Variants in PIGR observed in about 807,000 individuals in gnomAD.
PIGR encodes the protein polymeric immunoglobulin receptor.
PIGR carries 22 observed loss-of-function variants against 69.5 expected under a neutral mutation model. That is an observed-to-expected ratio of 0.32 (90% CI 0.23 to 0.45). The LOEUF is 0.45. Among genes scored for constraint, PIGR ranks in the 20% least tolerant of loss-of-function variants. PIGR has a pLI of 1.00. For missense variants in PIGR, 885 were observed against 974.0 expected, an observed-to-expected ratio of 0.91 and a Z score of 1.22; for synonymous variants, 413 against 407.6, an observed-to-expected ratio of 1.01 and a Z score of -0.16.
intron 1 of PIGR, among the ~76,000 whole-genome samples, chr1:206,946,043 G>A (rs1158705855): frequency 1.3e-5 from 2 of 152,202 alleles, no homozygotes; most frequent in East Asian, 3.9e-4. Context: ...TCCAGGCACA[G>A]ACCAAGCTGA....
chr1:206,935,015 T>C lies in PIGR; in HGVS notation c.1379-269A>G, dbSNP rs2102599065. The stretch of plus-strand genomic sequence containing the variant: ...CTGAGATTACAGGCATGCACCACCA[T>C]GTTCAGTCTACATATCCTCTTTGGA... On this transcript the variant is annotated intron_variant, in intron 5 of 10. Coordinates refer to ENST00000356495, the MANE Select transcript of PIGR (RefSeq NM_002644.4). The surrounding 1 kb of genome is among the most constrained non-coding windows in gnomAD (Gnocchi z 4.4). Among the ~76,000 whole-genome samples the C allele has an allele frequency of 6.6e-6, 1 of 152,290 alleles. No homozygotes were observed. The highest frequency in any genetic ancestry group is 2.4e-5 in the African/African-American group (1 of 41,562).
intron 1 of PIGR, among the ~76,000 whole-genome samples, chr1:206,942,364 G>T (rs886156594): frequency 7.9e-5 from 12 of 152,216 alleles, no homozygotes; most frequent in African/African-American, 2.9e-4. Flanking sequence ...ATGCTCCCAG[G>T]TGGGAGCAGC....
chr1:206,932,456 C>T lies in PIGR; in HGVS notation c.2008G>A (p.Asp670Asn), dbSNP rs1283428252. ...GGCAGGGAGTATCCCAGGGACTCAC[C>T]GACGTTCTTCCTGTGCCGGGCTCTG... is the stretch of plus-strand genomic sequence containing the variant. ...VARARHRKNV[D>N]RVSIRSYRTD... Residue 670 changes from aspartate (D) to asparagine (N), a missense_variant and splice_region_variant, in exon 8 of 11, where the codon GAC becomes AAC. Coordinates refer to ENST00000356495, the MANE Select transcript of PIGR (RefSeq NM_002644.4). 11 of 1,610,002 alleles carry T rather than the reference C, an allele frequency of 6.8e-6. No homozygotes were observed. The highest frequency in any genetic ancestry group is 9.3e-6 in the Non-Finnish European group (11 of 1,178,834).
chr1:206,930,275 G>A lies in PIGR; in HGVS notation c.*43C>T. On this transcript the variant is annotated 3_prime_UTR_variant, in exon 11 of 11. Transcript: ENST00000356495. The surrounding 1 kb of genome is among the most constrained non-coding windows in gnomAD (Gnocchi z 4.3). Reference sequence around the variant, plus strand: ...AGGGCCCCAGGATCGACATGATTCTGAAGGTGATTGTCATGGGTGCAGGGA... The same window carrying A: ...AGGGCCCCAGGATCGACATGATTCTAAAGGTGATTGTCATGGGTGCAGGGA... 6.5e-7 allele frequency: 1 copy of A among 1,545,796 alleles called. No individual in the cohort carries two copies. Among genetic ancestry groups the A allele is most frequent in the Non-Finnish European group, 8.8e-7 (1 of 1,134,802 alleles).
At chr1:206,941,716 C>A (rs1483909895) in intron 1 of PIGR, among the ~76,000 whole-genome samples, 1 of 152,238 alleles carries the variant, frequency 6.6e-6, no homozygotes, top group East Asian at 1.9e-4. Flanking sequence ...CCACCGTGGA[C>A]ACAGCCCAGG....
In PIGR at chr1:206,937,251, T is replaced by A; in HGVS notation, c.889A>T (p.Ile297Phe). The A allele has an allele frequency of 1.2e-6, 2 of 1,614,174 alleles. No homozygotes were observed. The highest frequency in any genetic ancestry group is 1.1e-5 in the South Asian group (1 of 91,070). The change falls in exon 4 of 11, where the codon ATC becomes TTC. Residue 297 changes from isoleucine (I) to phenylalanine (F), a missense_variant. Transcript: ENST00000356495. The part of the protein sequence containing the change: ...GKRAPAFEGR[I>F]LLNPQDKDGS... ...TCCTTGTCCTGGGGGTTGAGCAGGA[T>A]CCTGCCCTCAAAGGCTGGGGCCCTC...
chr1:206,946,069 T>C (rs531506207), intron 1 of PIGR, among the ~76,000 whole-genome samples: 177 of 152,312 alleles, frequency 1.2e-3, no homozygotes, highest in Admixed American at 1.8e-3. Context: ...TAGAATTACA[T>C]ATGCTGACCA....
intron 4 of PIGR, 149 bp downstream of exon 4, chr1:206,936,946 G>A: frequency 2.7e-6 from 2 of 729,408 alleles, no homozygotes; most frequent in East Asian, 2.9e-5. Flanking sequence ...CTGTGCAGCA[G>A]CCCACGCAGC....
chr1:206,932,416 G>A (rs377372163), intron 8 of PIGR, 40 bp downstream of exon 8: 4 of 1,579,672 alleles, frequency 2.5e-6, no homozygotes, highest in Non-Finnish European at 2.6e-6. Context: ...CTGAGGGCTC[G>A]GGTTGGAGGT....
chr1:206,933,870 T>A (rs984294771), intron 6 of PIGR, among the ~76,000 whole-genome samples: 2 of 151,838 alleles, frequency 1.3e-5, no homozygotes, highest in South Asian at 4.2e-4. Context: ...CTATGGGACT[T>A]GTCTTTTTTT....
chr1:206,934,592 T>G lies in PIGR; in HGVS notation c.1533A>C (p.Glu511Asp). ...TGCQALPSQD[E>D]GPSKAFVNCD... ...AGTTCACGAAGGCCTTGCTGGGGCCTTCGTCTTGGCTGGGCAGGGCCTGGC... is the reference window on the plus strand; with the variant it reads ...AGTTCACGAAGGCCTTGCTGGGGCCGTCGTCTTGGCTGGGCAGGGCCTGGC... Residue 511 changes from glutamate to aspartate, a missense_variant, in exon 6 of 11, where the codon GAA (glutamate) becomes GAC (aspartate). By Grantham distance (45) the Glu-to-Asp change is conservative (BLOSUM62 2). Transcript: ENST00000356495. The G allele has an allele frequency of 1.2e-6, 2 of 1,614,242 alleles. No homozygotes were observed. Among genetic ancestry groups the G allele is most frequent in the Non-Finnish European group, 1.7e-6 (2 of 1,180,040 alleles).
rs376707589 is a variant in PIGR, at chr1:206,939,192, G to C, written c.315C>G (p.Ser105=). ...VNIAQLSQDD[S]GRYKCGLGIN... ...TGCCCAGGCCACACTTGTAGCGCCC[G>C]GAGTCATCCTGGCTCAGCTGGGCAA... The change falls in exon 3 of 11, where the codon TCC becomes TCG. Residue 105 remains serine, a synonymous_variant. Coordinates refer to ENST00000356495, the MANE Select transcript of PIGR (RefSeq NM_002644.4). The C allele has an allele frequency of 8.0e-5, 129 of 1,614,068 alleles. No homozygotes were observed. Among genetic ancestry groups the C allele is most frequent in the Middle Eastern group, 6.6e-4 (4 of 6,084 alleles).
At position 206,930,920 on chromosome 1, in the gene PIGR, G is replaced by A. The variant is rs973480377; in HGVS notation, c.2200-507C>T. The A allele has an allele frequency of 2.0e-6, 2 of 985,292 alleles. No individual in the cohort carries two copies. Among genetic ancestry groups the A allele is most frequent in the East Asian group, 1.1e-4 (1 of 8,834 alleles). 61.0% of individuals were successfully genotyped at this position (985,292 alleles called of 1,614,324 possible). A position where few individuals can be genotyped will look rare whatever the true frequency, so the allele number is the denominator to read the frequency against. ...ACAACAACAAAAACTCTCACCTCGG[G>A]ATTAAAGGCATGAGATGTTATTTTT... is the stretch of plus-strand genomic sequence containing the variant. On this transcript the variant is annotated intron_variant, in intron 10 of 10. Coordinates refer to ENST00000356495, the MANE Select transcript of PIGR (RefSeq NM_002644.4). This position sits in a 1 kb window ranked among gnomAD's most constrained non-coding sequence, Gnocchi z 4.3.
In PIGR at chr1:206,929,044, T is replaced by A. The variant is rs1679672150; in HGVS notation, c.*1274A>T. On this transcript the variant is annotated 3_prime_UTR_variant, in exon 11 of 11. Coordinates refer to ENST00000356495, the MANE Select transcript of PIGR (RefSeq NM_002644.4). Reference sequence around the variant, plus strand: ...GGCCAGGAGTTCGAGACCAGTCTCGTCAACATGGCGAAACCCTGTCTCTAC... The same window carrying A: ...GGCCAGGAGTTCGAGACCAGTCTCGACAACATGGCGAAACCCTGTCTCTAC... 7.8e-6 allele frequency: 1 copy of A among 128,408 alleles called. No homozygotes were observed. Among genetic ancestry groups the A allele is most frequent in the African/African-American group, 3.0e-5 (1 of 32,832 alleles). 8.0% of individuals were successfully genotyped at this position (128,408 alleles called of 1,614,324 possible).
chr1:206,928,668 C>T lies in PIGR; in HGVS notation c.*1650G>A, dbSNP rs1350197444. 3 of 152,606 alleles carry T rather than the reference C, an allele frequency of 2.0e-5. No homozygotes were observed. Among genetic ancestry groups the T allele is most frequent in the Non-Finnish European group, 4.4e-5 (3 of 68,044 alleles). The allele number at this position is 152,606 out of a possible 1,614,324, so 9.5% of individuals were successfully genotyped here. ...CTGGAGAGCAGCCCCTCTCTGGCAC[C>T]ATCAAACACTTCTTTGTTTCCCTTC... On this transcript the variant is annotated 3_prime_UTR_variant, in exon 11 of 11. Transcript: ENST00000356495.
Position 206,930,514 on chromosome 1 carries a change from C to T in PIGR, c.2200-101G>A. On this transcript the variant is annotated intron_variant, in intron 10 of 10. Coordinates refer to ENST00000356495, the MANE Select transcript of PIGR (RefSeq NM_002644.4). This position sits in a 1 kb window ranked among gnomAD's most constrained non-coding sequence, Gnocchi z 4.3. ...AATGTCCTGAATTCGTGATCTTGGT[C>T]CAAGCAACACAAGCCTTTGGGGCCC... The T allele has an allele frequency of 2.8e-6, 4 of 1,435,618 alleles. No individual in the cohort carries two copies. The highest frequency in any genetic ancestry group is 2.6e-5 in the East Asian group (1 of 38,688). The allele number at this position is 1,435,618 out of a possible 1,614,324, so 88.9% of individuals were successfully genotyped here.
At chr1:206,933,802 A>T (rs1679809551) in intron 6 of PIGR, among the ~76,000 whole-genome samples, 1 of 152,114 alleles carries the variant, frequency 6.6e-6, no homozygotes, top group South Asian at 2.1e-4. Flanking sequence ...TTATTCTTCT[A>T]TACAGAGAAG....
chr1:206,944,969 A>G (rs1680075051), intron 1 of PIGR, among the ~76,000 whole-genome samples: 1 of 152,154 alleles, frequency 6.6e-6, no homozygotes, highest in African/African-American at 2.4e-5. Flanking sequence ...GAATGAGACG[A>G]AGGTGTGAAA....
intron 1 of PIGR, among the ~76,000 whole-genome samples, chr1:206,943,423 GTCCTTA>G (rs1680036600): frequency 6.6e-6 from 1 of 152,092 alleles, no homozygotes; most frequent in African/African-American, 2.4e-5. Context: ...ACGTTTTCTG[GTCCTTA>G]AACTAGCAGT....
Sources: allele counts gnomAD v4.1 joint callset (sites outside exome capture counted in the v4.1 genomes callset), GRCh38; gene constraint gnomAD v4.1.1; non-coding constraint Gnocchi (gnomAD v3.1); transcripts MANE v1.5; gene names NCBI Gene and HGNC (gene_info 2026-07-23, HGNC 2026-07-21).